Variants in PDE1A observed in about 807,000 individuals in gnomAD.
PDE1A encodes dual specificity calcium/calmodulin-dependent 3',5'-cyclic nucleotide phosphodiesterase 1A.
A neutral mutation model predicts 61.7 loss-of-function variants in PDE1A; 35 were observed. That is an observed-to-expected ratio of 0.57 (90% CI 0.43 to 0.75). The LOEUF (loss-of-function observed/expected upper bound fraction) is 0.75. PDE1A is among the 30% of genes least tolerant of loss of function. The pLI is 0.00. For missense variants in PDE1A, 597 were observed against 630.6 expected, an observed-to-expected ratio of 0.95 and a Z score of 0.57; for synonymous variants, 232 against 213.2, an observed-to-expected ratio of 1.09 and a Z score of -0.77.
chr2:182,192,820 G>A (rs933655054), intron 10 of PDE1A, among the ~76,000 whole-genome samples: 4 of 152,040 alleles, frequency 2.6e-5, no homozygotes, highest in African/African-American at 9.7e-5. Flanking sequence ...CTGAAAGTCT[G>A]TAAGAGAACT....
rs1685421724 is a variant in PDE1A at position 182,450,244 on chromosome 2, T to G, written c.101+72032A>C. Among the ~76,000 whole-genome samples, 4 of 151,972 alleles carry G rather than the reference T, an allele frequency of 2.6e-5. 1 individual carries two copies. Among genetic ancestry groups the G allele is most frequent in the Admixed American group, 1.3e-4 (2 of 15,238 alleles). On this transcript the variant is annotated intron_variant, in intron 2 of 14. Transcript: ENST00000410103. ...AAGCACCATCAAGCACATATCACAT[T>G]TTCAAAAGGCTGTGACACCAACAAA...
At chr2:182,181,974 T>C (rs1201799391) in intron 13 of PDE1A, among the ~76,000 whole-genome samples, 1 of 152,210 alleles carries the variant, frequency 6.6e-6, no homozygotes, top group Non-Finnish European at 1.5e-5. Flanking sequence ...TTTTATACTG[T>C]TCCATAATAT....
chr2:182,659,045 C>T, the PDE1A span, among the ~76,000 whole-genome samples: 1 of 152,164 alleles, frequency 6.6e-6, no homozygotes, highest in South Asian at 2.1e-4. Context: ...TTATAATCTG[C>T]CTATATTACC....
At chr2:182,696,918 CAT>C in the PDE1A span, among the ~76,000 whole-genome samples, 3 of 152,136 alleles carry the variant, frequency 2.0e-5, no homozygotes, top group Non-Finnish European at 2.9e-5. Flanking sequence ...TAAAAAGACT[CAT>C]AAGTATTTCT....
chr2:182,176,864 A>G (rs1692851492), intron 13 of PDE1A, among the ~76,000 whole-genome samples: 1 of 150,574 alleles, frequency 6.6e-6, no homozygotes, highest in Non-Finnish European at 1.5e-5. Flanking sequence ...CGTCCCATCA[A>G]TACCTAATTT....
At chr2:182,231,204 G>A (rs920708350) in intron 4 of PDE1A, 73 bp from the exon 5 acceptor site, 1 of 791,090 alleles carries the variant, frequency 1.3e-6, no homozygotes, top group African/African-American at 1.7e-5. Context: ...CAAAAGATAA[G>A]GCATTGTACA....
At chr2:182,419,854 T>C (rs539032324) in intron 1 of PDE1A, among the ~76,000 whole-genome samples, 1 of 152,306 alleles carries the variant, frequency 6.6e-6, no homozygotes, top group Admixed American at 6.5e-5. Flanking sequence ...TGTAGGTATT[T>C]AAGTTGAAGA....
chr2:182,704,733 T>C, the PDE1A span, among the ~76,000 whole-genome samples: 1 of 152,258 alleles, frequency 6.6e-6, no homozygotes, highest in African/African-American at 2.4e-5. Context: ...AAAGGTCAAC[T>C]AGATTTTCAT....
intron 2 of PDE1A, among the ~76,000 whole-genome samples, chr2:182,482,836 T>G (rs896392024): frequency 3.3e-5 from 5 of 151,936 alleles, no homozygotes; most frequent in African/African-American, 1.2e-4. Context: ...AACAGCAACA[T>G]GACAGATTCC....
intron 2 of PDE1A, among the ~76,000 whole-genome samples, chr2:182,262,368 T>C (rs1336951408): frequency 6.6e-6 from 1 of 152,074 alleles, no homozygotes; most frequent in Non-Finnish European, 1.5e-5. Context: ...CTGGCTCAAG[T>C]GATCCTCCCA....
At chr2:182,477,178 T>C (rs1268980512) in intron 2 of PDE1A, among the ~76,000 whole-genome samples, 5 of 151,912 alleles carry the variant, frequency 3.3e-5, no homozygotes, top group Non-Finnish European at 7.4e-5. Context: ...TGAGAACCTA[T>C]AGCAGTAAGT....
intron 1 of PDE1A, among the ~76,000 whole-genome samples, chr2:182,376,254 T>G (rs1380145851): frequency 6.6e-6 from 1 of 152,226 alleles, no homozygotes; most frequent in Admixed American, 6.5e-5. Flanking sequence ...TTTCATACTC[T>G]TCTTCATTTT....
chr2:182,598,257 A>G, the PDE1A span, among the ~76,000 whole-genome samples: 2 of 152,198 alleles, frequency 1.3e-5, no homozygotes, highest in Non-Finnish European at 1.5e-5. Context: ...TATCCTAAGA[A>G]GAAAATTGTA....
chr2:182,206,167 C>T, intron 7 of PDE1A, 102 bp from the exon 8 acceptor site: 2 of 811,366 alleles, frequency 2.5e-6, no homozygotes, highest in Non-Finnish European at 3.7e-6. Context: ...AGAAAACATC[C>T]TATAATTGAA....
At chr2:182,429,079 G>C (rs1232578985), upstream of PDE1A, among the ~76,000 whole-genome samples, 1 of 151,926 alleles carries the variant, frequency 6.6e-6, no homozygotes, top group East Asian at 1.9e-4. Context: ...TTCTTTCTGT[G>C]ATTAAGTTAG....
chr2:182,343,872 TC>T (rs1166266160), intron 1 of PDE1A, among the ~76,000 whole-genome samples: 3 of 11,566 alleles, frequency 2.6e-4, no homozygotes, highest in South Asian at 4.6e-3. Context: ...TTTTTCTTTT[TC>T]TTTTTTTTTT....
At chr2:182,502,694 C>G (rs892189913) in intron 2 of PDE1A, among the ~76,000 whole-genome samples, 1 of 152,144 alleles carries the variant, frequency 6.6e-6, no homozygotes, top group Non-Finnish European at 1.5e-5. Flanking sequence ...CCCTTTTCCA[C>G]ACTGAAAATT....
At chr2:182,199,289 G>A (rs1367083657) in intron 10 of PDE1A, among the ~76,000 whole-genome samples, 2 of 151,656 alleles carry the variant, frequency 1.3e-5, no homozygotes, top group East Asian at 1.9e-4. Context: ...TTTTGTTATT[G>A]TTTGTCTTTG....
intron 13 of PDE1A, among the ~76,000 whole-genome samples, chr2:182,170,316 G>A (rs1477580949): frequency 1.3e-5 from 2 of 152,038 alleles, no homozygotes; most frequent in South Asian, 2.1e-4. Context: ...GTCAATGGGT[G>A]AATAAATGAT....
Sources: gnomAD v4.1 joint callset for allele counts (sites outside exome capture counted in the v4.1 genomes callset) on GRCh38, gnomAD v4.1.1 for gene constraint, MANE v1.5 for transcripts, NCBI Gene and HGNC (gene_info 2026-07-23, HGNC 2026-07-21) for gene names.